The following DNAH9 variants were observed in gnomAD, a reference collection of about 807,000 sequenced individuals.
The protein encoded by DNAH9 is DNAH9 variant protein.
A neutral mutation model predicts 471.6 loss-of-function variants in DNAH9; 345 were observed. That is an observed-to-expected ratio of 0.73 (90% CI 0.67 to 0.80). The LOEUF is 0.80. Among genes scored for constraint, DNAH9 ranks in the 30% least tolerant of loss-of-function variants. The probability of loss-of-function intolerance (pLI) is 0.00; values close to 1 mark genes in which losing one functional copy is unlikely to be tolerated. For synonymous variants in DNAH9, 2,093 were observed against 2,123.6 expected (o/e 0.99, Z 0.40); for missense variants, 5,407 against 5,609.2 (o/e 0.96, Z 1.15).
Position 11,768,612 on chromosome 17 carries a change from G to T in DNAH9, c.7330G>T (p.Glu2444Ter). 2 of 1,614,026 alleles carry T rather than the reference G, an allele frequency of 1.2e-6. No individual in the cohort carries two copies. The highest frequency in any genetic ancestry group is 1.7e-6 in the Non-Finnish European group (2 of 1,179,952). Residue 2444 changes from glutamate to a stop codon, truncating the protein, a stop_gained, in exon 37 of 69, where the codon GAG becomes TAG. Coordinates refer to ENST00000262442, the MANE Select transcript of DNAH9 (RefSeq NM_001372.4). LOFTEE classifies it high-confidence loss of function. Reference protein sequence around the residue: ...KLVPQFEFDPEMPLQACLVHT... With the variant: ...KLVPQFEFDP ...CGTCCCCCAGTTCGAATTTGACCCCGAGATGCCCTTGCAGGTGAGTGCAGC... is the reference window on the plus strand; with the variant it reads ...CGTCCCCCAGTTCGAATTTGACCCCTAGATGCCCTTGCAGGTGAGTGCAGC...
At chr17:11,858,932 A>G (rs1971721446) in intron 50 of DNAH9, among the ~76,000 whole-genome samples, 2 of 152,064 alleles carry the variant, frequency 1.3e-5, no homozygotes, top group South Asian at 2.1e-4. Context: ...TAAAAATACA[A>G]AATTAACCCG....
intron 49 of DNAH9, among the ~76,000 whole-genome samples, chr17:11,843,861 G>GTATATATATATATATATATATATATA: frequency 1.8e-5 from 1 of 54,184 alleles, no homozygotes; most frequent in South Asian, 7.9e-4. Flanking sequence ...GTGTGTGTGT[G>GTATATATATATATATATATATATATA]TGTATATATA....
chr17:11,659,453 C>T (rs1798282269), intron 14 of DNAH9, among the ~76,000 whole-genome samples: 1 of 152,090 alleles, frequency 6.6e-6, no homozygotes, highest in Admixed American at 6.5e-5. Flanking sequence ...TGCTGCACTG[C>T]AATCTAAGCC....
chr17:11,603,854 G>A (rs1168132679), intron 1 of DNAH9, among the ~76,000 whole-genome samples: 4 of 152,056 alleles, frequency 2.6e-5, no homozygotes, highest in South Asian at 2.1e-4. Flanking sequence ...TAAATTGAAC[G>A]GCCCTGAATC....
chr17:11,918,251 A>T (rs978145631), intron 61 of DNAH9, among the ~76,000 whole-genome samples: 10 of 119,358 alleles, frequency 8.4e-5, no homozygotes, highest in African/African-American at 2.5e-4. Flanking sequence ...TTTTGTTTTG[A>T]GACAGGCTCT....
intron 22 of DNAH9, among the ~76,000 whole-genome samples, chr17:11,694,777 CTTCTTTCT>C (rs1211842531): frequency 1.6e-3 from 2 of 1,246 alleles, no homozygotes; most frequent in African/African-American, 3.2e-3. Flanking sequence ...TCCTTCCTTC[CTTCTTTCT>C]TTCTTTCTTT....
chr17:11,674,851 C>T (rs2074025585), intron 17 of DNAH9, among the ~76,000 whole-genome samples: 1 of 152,132 alleles, frequency 6.6e-6, no homozygotes, highest in Non-Finnish European at 1.5e-5. Context: ...ATCTAGCACT[C>T]ATGAATATGA....
chr17:11,606,610 C>T (rs1291251346), intron 1 of DNAH9, among the ~76,000 whole-genome samples: 5 of 151,498 alleles, frequency 3.3e-5, no homozygotes, highest in African/African-American at 7.3e-5. Flanking sequence ...CCACCACACT[C>T]GGCTAATTTT....
chr17:11,689,504 G>C, intron 19 of DNAH9, 62 bp from the exon 20 acceptor site: 1 of 1,407,490 alleles, frequency 7.1e-7, no homozygotes, highest in Admixed American at 2.0e-5. Context: ...TGCTACCTTA[G>C]AGATGCTAGG....
chr17:11,868,188 C>G (rs1972128012), intron 50 of DNAH9, among the ~76,000 whole-genome samples: 1 of 152,172 alleles, frequency 6.6e-6, no homozygotes, highest in South Asian at 2.1e-4. Context: ...TTAGAGAAGT[C>G]TTGGGAAGTG....
intron 43 of DNAH9, among the ~76,000 whole-genome samples, chr17:11,803,493 C>G (rs1380539071): frequency 6.6e-6 from 1 of 152,206 alleles, no homozygotes; most frequent in Admixed American, 6.5e-5. Context: ...TTTAATCTCT[C>G]AGAAATTCAG....
intron 49 of DNAH9, among the ~76,000 whole-genome samples, chr17:11,847,326 G>T (rs28377519): frequency 6.6e-5 from 10 of 152,230 alleles, no homozygotes; most frequent in African/African-American, 2.4e-4. Flanking sequence ...GTCTTCTTGG[G>T]TTTTTATAAT....
At chr17:11,634,282 C>T (rs143781323) in intron 8 of DNAH9, among the ~76,000 whole-genome samples, 4 of 152,244 alleles carry the variant, frequency 2.6e-5, no homozygotes, top group Admixed American at 6.5e-5. Flanking sequence ...GAAACTAAAA[C>T]CCTTCCTTCA....
At chr17:11,920,146 C>T (rs983375953) in intron 61 of DNAH9, among the ~76,000 whole-genome samples, 1 of 151,658 alleles carries the variant, frequency 6.6e-6, no homozygotes, top group African/African-American at 2.4e-5. Flanking sequence ...AAGCGATTCT[C>T]CTGCCTCAGC....
intron 43 of DNAH9, among the ~76,000 whole-genome samples, chr17:11,801,948 A>G (rs562375108): frequency 6.6e-6 from 1 of 152,360 alleles, no homozygotes; most frequent in South Asian, 2.1e-4. Flanking sequence ...TAGGCTTATA[A>G]ACAAACTCTG....
At chr17:11,830,122 G>A (rs746623270) in intron 48 of DNAH9, among the ~76,000 whole-genome samples, 11 of 152,164 alleles carry the variant, frequency 7.2e-5, no homozygotes, top group Non-Finnish European at 1.6e-4. Flanking sequence ...GCCAGTGCTG[G>A]TCCTACCAGA....
intron 6 of DNAH9, among the ~76,000 whole-genome samples, chr17:11,627,818 G>A (rs527969935): frequency 8.5e-5 from 13 of 152,186 alleles, no homozygotes; most frequent in East Asian, 1.9e-4. Flanking sequence ...CCAAATCTGC[G>A]TGGGTACCCT....
At chr17:11,783,597 C>T (rs1284538264) in intron 39 of DNAH9, 49 bp from the exon 40 acceptor site, 3 of 1,472,728 alleles carry the variant, frequency 2.0e-6, no homozygotes, top group East Asian at 2.3e-5. Flanking sequence ...AAGCACTCAC[C>T]TGCCTCAGTC....
Position 11,934,435 on chromosome 17 carries a change from A to ATTTTTTT in DNAH9, c.12489+386_12489+392dup, listed in dbSNP as rs547023975. Among the ~76,000 whole-genome samples the ATTTTTTT allele has an allele frequency of 7.7e-3, 660 of 85,994 alleles. 107 individuals are homozygous for ATTTTTTT. The highest frequency in any genetic ancestry group is 0.011 in the Non-Finnish European group (507 of 44,564). 56.4% of individuals were successfully genotyped at this position (85,994 alleles called of 152,430 possible). A position where few individuals can be genotyped will look rare whatever the true frequency, so the allele number is the denominator to read the frequency against. ...TTTCACTTGGGATGTTGACAAACCC[A>ATTTTTTT]TTTTTTTTTTTTTTTTTTTTTTTTT... is the stretch of plus-strand genomic sequence containing the variant. On this transcript the variant is annotated intron_variant, in intron 65 of 68. Transcript: ENST00000262442.
Sources: gnomAD v4.1 joint callset for allele counts (sites outside exome capture counted in the v4.1 genomes callset) on GRCh38, gnomAD v4.1.1 for gene constraint, MANE v1.5 for transcripts, NCBI Gene and HGNC (gene_info 2026-07-23, HGNC 2026-07-21) for gene names.